The following SDC3 variants were observed in gnomAD, a reference collection of about 807,000 sequenced individuals.
SDC3 encodes syndecan-3.
SDC3 carries 13 observed loss-of-function variants against 24.4 expected under a neutral mutation model. That is an observed-to-expected ratio of 0.53 (90% CI 0.35 to 0.85). SDC3 has a LOEUF of 0.85. Ranked by LOEUF, SDC3 falls within the 40% of genes least tolerant of loss-of-function variation. The probability of loss-of-function intolerance (pLI) is 0.01; values close to 1 mark genes in which losing one functional copy is unlikely to be tolerated. For synonymous variants in SDC3, 295 were observed against 260.9 expected (o/e 1.13, Z -1.26); for missense variants, 571 against 584.5 (o/e 0.98, Z 0.24).
chr1:30,878,932 G>C, intron 1 of SDC3, 192 bp from the exon 2 acceptor site: 1 of 561,176 alleles, frequency 1.8e-6, no homozygotes, highest in Non-Finnish European at 3.2e-6. Flanking sequence ...AAGTCACCTG[G>C]GGTCCCATCC....
In SDC3 at chr1:30,902,391, C is replaced by G. The variant is rs571100567; in HGVS notation, c.138+6058G>C. Reference sequence around the variant, plus strand: ...CCCTCTGGCCATGGCGGGAGGGGGGCCGGAAGTGAAGGCCACCAGGCCTCC... The same window carrying G: ...CCCTCTGGCCATGGCGGGAGGGGGGGCGGAAGTGAAGGCCACCAGGCCTCC... On this transcript the variant is annotated intron_variant, in intron 1 of 4. Transcript: ENST00000339394. Among the ~76,000 whole-genome samples, 461 of 152,074 alleles carry G rather than the reference C, an allele frequency of 3.0e-3. 3 individuals are homozygous for G. The highest frequency in any genetic ancestry group is 0.01 in the African/African-American group (435 of 41,464).
At chr1:30,894,304 G>T (rs2377660) in intron 1 of SDC3, among the ~76,000 whole-genome samples, 64,571 of 130,850 alleles carry the variant, frequency 0.49, 16,834 homozygotes, top group South Asian at 0.66. Flanking sequence ...AGTGTGTGGG[G>T]GTGTGTGTGC....
At chr1:30,894,385 TGA>T (rs1387249334) in intron 1 of SDC3, among the ~76,000 whole-genome samples, 36 of 105,084 alleles carry the variant, frequency 3.4e-4, no homozygotes, top group Admixed American at 5.6e-4. Flanking sequence ...GGTGAGAGTG[TGA>T]GTGTGTGGGG....
rs757944677 is a variant in SDC3, at chr1:30,892,090, TCCACACAG to T, written c.139-13358_139-13351del. Among the ~76,000 whole-genome samples the T allele has an allele frequency of 1.1e-3, 164 of 151,814 alleles. 2 individuals carry two copies. Among genetic ancestry groups the T allele is most frequent in the South Asian group, 1.0e-3 (5 of 4,786 alleles). On this transcript the variant is annotated intron_variant, in intron 1 of 4. Coordinates refer to ENST00000339394, the MANE Select transcript of SDC3 (RefSeq NM_014654.4). ...CCCCAGGTATCCTGCCAGCCCCTTCTCCACACAGCTACAGGCTCTTCCTCTCCCCCACT... is the reference window on the plus strand; with the variant it reads ...CCCCAGGTATCCTGCCAGCCCCTTCTCTACAGGCTCTTCCTCTCCCCCACT...
intron 1 of SDC3, among the ~76,000 whole-genome samples, chr1:30,884,549 C>A (rs1451704167): frequency 6.6e-6 from 1 of 152,098 alleles, no homozygotes; most frequent in Non-Finnish European, 1.5e-5. Flanking sequence ...TTCCCACCAT[C>A]CCCCCAGGAT....
chr1:30,894,452 TGG>T (rs11292606), intron 1 of SDC3, among the ~76,000 whole-genome samples: 8 of 40,370 alleles, frequency 2.0e-4, no homozygotes, highest in Non-Finnish European at 3.0e-4. Context: ...TGGATGAGTG[TGG>T]GGGGGTGGAT....
Position 30,873,097 on chromosome 1 carries a change from AGAG to A in SDC3, c.*111_*113del. 1 of 763,716 alleles carries A rather than the reference AGAG, an allele frequency of 1.3e-6. No homozygotes were observed. Among genetic ancestry groups the A allele is most frequent in the East Asian group, 2.4e-5 (1 of 40,868 alleles). The allele number at this position is 763,716 out of a possible 1,614,324, so 47.3% of individuals were successfully genotyped here. A position where few individuals can be genotyped will look rare whatever the true frequency, so the allele number is the denominator to read the frequency against. The stretch of plus-strand genomic sequence containing the variant: ...CTGGGCAGACCTTGGGAGAGAGGGC[AGAG>A]AAGAACTGGGGCCAGGTTCCAGGCC... On this transcript the variant is annotated 3_prime_UTR_variant, in exon 5 of 5. Transcript: ENST00000339394.
rs1639499079 is a variant in SDC3, at chr1:30,869,687, A to C, written c.*3524T>G. The C allele has an allele frequency of 2.5e-6, 1 of 398,494 alleles. No individual in the cohort carries two copies. Among genetic ancestry groups the C allele is most frequent in the Non-Finnish European group, 4.4e-6 (1 of 226,092 alleles). The allele number at this position is 398,494 out of a possible 1,614,324, so 24.7% of individuals were successfully genotyped here. On this transcript the variant is annotated 3_prime_UTR_variant, in exon 5 of 5. Transcript: ENST00000339394. Reference sequence around the variant, plus strand: ...TTCTTATTTAAGGTTTTGGCCATGAACTCAGGACAGGTATGGTTAATAAAC... The same window carrying C: ...TTCTTATTTAAGGTTTTGGCCATGACCTCAGGACAGGTATGGTTAATAAAC...
At chr1:30,898,628 A>T (rs1638335686) in intron 1 of SDC3, among the ~76,000 whole-genome samples, 1 of 152,164 alleles carries the variant, frequency 6.6e-6, no homozygotes, top group Non-Finnish European at 1.5e-5. Flanking sequence ...ACCCTGGCCC[A>T]AGAGGAACCA....
intron 1 of SDC3, among the ~76,000 whole-genome samples, chr1:30,892,899 G>A (rs914318857): frequency 6.6e-6 from 1 of 152,124 alleles, no homozygotes; most frequent in African/African-American, 2.4e-5. Flanking sequence ...TCAAGTCTCA[G>A]CTGATTCATC....
chr1:30,878,698 G>T lies in SDC3; in HGVS notation c.181C>A (p.Leu61Met), dbSNP rs992792404. ...RSENFERPVD[L>M]EGSGDDDSFP... The stretch of plus-strand genomic sequence containing the variant: ...GAGTCATCATCCCCAGAGCCCTCCA[G>T]GTCCACGGGTCTCTCGAAGTTCTCA... Residue 61 changes from leucine to methionine, a missense_variant, in exon 2 of 5, where the codon CTG (leucine) becomes ATG (methionine). By Grantham distance (15) the Leu-to-Met change is conservative. Coordinates refer to ENST00000339394, the MANE Select transcript of SDC3 (RefSeq NM_014654.4). 8 of 1,614,062 alleles carry T rather than the reference G, an allele frequency of 5.0e-6. No individual in the cohort carries two copies. In the Admixed American group the frequency reaches 1.0e-4, roughly 20 times the overall value.
At chr1:30,887,189 C>G (rs1283566796) in intron 1 of SDC3, among the ~76,000 whole-genome samples, 2 of 152,048 alleles carry the variant, frequency 1.3e-5, no homozygotes, top group Non-Finnish European at 2.9e-5. Flanking sequence ...CCCCCTGCCC[C>G]CACCATGACT....
intron 3 of SDC3, among the ~76,000 whole-genome samples, chr1:30,876,268 C>A (rs1488598503): frequency 6.6e-6 from 1 of 152,136 alleles, no homozygotes; most frequent in Non-Finnish European, 1.5e-5. Context: ...TTCTCTCAAC[C>A]GAAACACTCA....
rs111471739 is a variant in SDC3 at position 30,881,669 on chromosome 1, A to G, written c.139-2929T>C. The stretch of plus-strand genomic sequence containing the variant: ...GCTGAGCGTTCCCAGGGCACTCTAG[A>G]GACCTCTGCCTGCTGCTGCTGAGGG... On this transcript the variant is annotated intron_variant, in intron 1 of 4. Transcript: ENST00000339394. 7.8e-4 allele frequency among the ~76,000 whole-genome samples: 119 copies of G among 152,334 alleles called. 1 individual carries two copies. The highest frequency in any genetic ancestry group is 2.7e-3 in the African/African-American group (114 of 41,570).
chr1:30,874,170 C>G, intron 4 of SDC3, 127 bp downstream of exon 4: 2 of 735,096 alleles, frequency 2.7e-6, no homozygotes, highest in Admixed American at 5.5e-5. Flanking sequence ...AGTTTCCTTC[C>G]TATCTGGCTC....
chr1:30,883,494 T>C (rs1300412372), intron 1 of SDC3, among the ~76,000 whole-genome samples: 1 of 152,200 alleles, frequency 6.6e-6, no homozygotes, highest in African/African-American at 2.4e-5. Context: ...GCTGGGTGAC[T>C]TTGGATGTGT....
intron 1 of SDC3, among the ~76,000 whole-genome samples, chr1:30,896,510 T>A (rs927491503): frequency 6.6e-6 from 1 of 152,086 alleles, no homozygotes; most frequent in Non-Finnish European, 1.5e-5. Flanking sequence ...CATTATTGGA[T>A]TCCCAGAGGA....
intron 1 of SDC3, among the ~76,000 whole-genome samples, chr1:30,904,990 A>C (rs1638486957): frequency 6.6e-6 from 1 of 152,192 alleles, no homozygotes; most frequent in Non-Finnish European, 1.5e-5. Context: ...GAAATCACAC[A>C]GCAGGTGTCT....
rs1553136457 is a variant in SDC3 at position 30,869,556 on chromosome 1, A to AAAAAAC, written c.*3649_*3654dup. On this transcript the variant is annotated 3_prime_UTR_variant, in exon 5 of 5. Coordinates refer to ENST00000339394, the MANE Select transcript of SDC3 (RefSeq NM_014654.4). ...ACAAACAAAAAAAAAAAAAAAAAAA[A>AAAAAAC]AAAAACAAAAACAAAACCAGTTCCT... 9.3e-4 allele frequency: 339 copies of AAAAAAC among 365,482 alleles called. 8 individuals are homozygous for AAAAAAC. Among genetic ancestry groups the AAAAAAC allele is most frequent in the South Asian group, 1.8e-3 (12 of 6,686 alleles). The allele number at this position is 365,482 out of a possible 1,614,324, so 22.6% of individuals were successfully genotyped here. A position where few individuals can be genotyped will look rare whatever the true frequency, so the allele number is the denominator to read the frequency against.
Sources: allele counts gnomAD v4.1 joint callset (sites outside exome capture counted in the v4.1 genomes callset), GRCh38; gene constraint gnomAD v4.1.1; transcripts MANE v1.5; gene names NCBI Gene and HGNC (gene_info 2026-07-23, HGNC 2026-07-21).